CCDC7: variants seen among roughly 807,000 people sequenced by gnomAD.
CCDC7 encodes the protein coiled-coil domain-containing protein 7.
Under a neutral mutation model 196.9 loss-of-function variants are expected in CCDC7, and 183 were observed. The observed-to-expected ratio is 0.93, with a 90% CI of 0.82 to 1.05. The LOEUF is 1.05. Among genes scored for constraint, CCDC7 ranks in the 50% least tolerant of loss-of-function variants. CCDC7 has a pLI of 0.00. For synonymous variants in CCDC7, 525 were observed against 484.6 expected (o/e 1.08, Z -1.10); for missense variants, 1,540 against 1,482.2 (o/e 1.04, Z -0.64).
At chr10:32,629,615 A>G (rs1191433174) in intron 18 of CCDC7, among the ~76,000 whole-genome samples, 1 of 152,120 alleles carries the variant, frequency 6.6e-6, no homozygotes, top group East Asian at 1.9e-4. Flanking sequence ...ACACCCTCCT[A>G]GCAGTGGGGG....
intron 5 of CCDC7, among the ~76,000 whole-genome samples, chr10:32,468,324 A>G (rs926722513): frequency 6.6e-6 from 1 of 151,846 alleles, no homozygotes; most frequent in Non-Finnish European, 1.5e-5. Flanking sequence ...CTGTATTCCT[A>G]GGTATTCTTT....
intron 29 of CCDC7, among the ~76,000 whole-genome samples, chr10:32,792,280 TAAAC>T (rs1043005732): frequency 6.6e-6 from 1 of 152,102 alleles, no homozygotes. Context: ...TGGGTAGAGA[TAAAC>T]AAAAAAATCC....
chr10:32,783,459 T>A lies in CCDC7; in HGVS notation c.3013+4375T>A, dbSNP rs560912353. 1.6e-4 allele frequency among the ~76,000 whole-genome samples: 24 copies of A among 152,256 alleles called. 1 individual carries two copies. In the South Asian group the frequency reaches 5.0e-3, roughly 32 times the overall value. ...TGCAAACCAAAATCACAATAAGATA[T>A]CACTTCATAGCCATTAAGATGACTC... is the stretch of plus-strand genomic sequence containing the variant. On this transcript the variant is annotated intron_variant, in intron 29 of 41. Transcript: ENST00000639629.
intron 21 of CCDC7, among the ~76,000 whole-genome samples, chr10:32,680,774 C>A (rs898524465): frequency 1.3e-5 from 2 of 152,184 alleles, no homozygotes; most frequent in African/African-American, 4.8e-5. Context: ...AAATGTACTT[C>A]TTTCCCATCT....
intron 20 of CCDC7, among the ~76,000 whole-genome samples, chr10:32,651,756 C>A (rs2068805390): frequency 6.6e-6 from 1 of 152,038 alleles, no homozygotes; most frequent in South Asian, 2.1e-4. Context: ...GGGAGGTTTT[C>A]TTGGGGCTGG....
chr10:32,809,037 A>G (rs1385495872), intron 30 of CCDC7, among the ~76,000 whole-genome samples: 1 of 152,154 alleles, frequency 6.6e-6, no homozygotes, highest in African/African-American at 2.4e-5. Flanking sequence ...TTTAATTTGA[A>G]AAGTGCCCTA....
intron 21 of CCDC7, among the ~76,000 whole-genome samples, chr10:32,679,412 G>T (rs1465159776): frequency 2.0e-5 from 3 of 152,122 alleles, no homozygotes; most frequent in Non-Finnish European, 2.9e-5. Flanking sequence ...GCTTGTTGGA[G>T]GACCTCCAGG....
At chr10:32,816,198 A>C (rs140955939) in intron 31 of CCDC7, among the ~76,000 whole-genome samples, 10 of 152,198 alleles carry the variant, frequency 6.6e-5, no homozygotes, top group Admixed American at 3.3e-4. Flanking sequence ...TATCCTGCGC[A>C]TGGCTCGGAG....
intron 15 of CCDC7, among the ~76,000 whole-genome samples, chr10:32,570,591 A>G (rs61299190): frequency 0.086 from 13,063 of 152,210 alleles, 879 homozygotes; most frequent in South Asian, 0.25. Flanking sequence ...ATCCCAGCAT[A>G]TGGAAGGTTT....
At chr10:32,669,148 T>G (rs2073504378) in intron 21 of CCDC7, among the ~76,000 whole-genome samples, 1 of 152,148 alleles carries the variant, frequency 6.6e-6, no homozygotes, top group Non-Finnish European at 1.5e-5. Context: ...CTGCATCTAT[T>G]GAGATTATCA....
intron 18 of CCDC7, among the ~76,000 whole-genome samples, chr10:32,624,742 C>G: frequency 6.6e-6 from 1 of 151,972 alleles, no homozygotes; most frequent in Non-Finnish European, 1.5e-5. Context: ...GAGGACAGCA[C>G]TGGGTGTGTG....
intron 11 of CCDC7, among the ~76,000 whole-genome samples, chr10:32,523,138 A>G (rs751052918): frequency 2.0e-5 from 3 of 152,196 alleles, no homozygotes; most frequent in Non-Finnish European, 4.4e-5. Context: ...GTATTCTGCA[A>G]CCGTTGGATG....
At chr10:32,682,966 T>G (rs2141068497) in intron 21 of CCDC7, among the ~76,000 whole-genome samples, 1 of 152,340 alleles carries the variant, frequency 6.6e-6, no homozygotes, top group South Asian at 2.1e-4. Context: ...CTATTGATAG[T>G]TTCTTTTGCT....
chr10:32,642,651 C>T lies in CCDC7; in HGVS notation c.2014+7493C>T, dbSNP rs184967425. On this transcript the variant is annotated intron_variant, in intron 20 of 41. Transcript: ENST00000639629. ...CTGCTTCAGCTTAGGCTCGGTGCCC[C>T]GCACCCACTGTCCTGCAACCACTGT... Among the ~76,000 whole-genome samples the T allele has an allele frequency of 1.1e-4, 17 of 152,008 alleles. No individual in the cohort carries two copies. The East Asian group carries it at 1.7e-3, about 16-fold the overall frequency.
At chr10:32,851,729 A>G (rs1195401475) in intron 39 of CCDC7, 78 bp from the exon 41 acceptor site, 10 of 1,340,430 alleles carry the variant, frequency 7.5e-6, no homozygotes, top group African/African-American at 7.4e-5. Context: ...TGTTGTGTGC[A>G]TATATACTGT....
At chr10:32,777,232 T>C (rs1042201039) in intron 28 of CCDC7, among the ~76,000 whole-genome samples, 2 of 152,192 alleles carry the variant, frequency 1.3e-5, no homozygotes, top group African/African-American at 2.4e-5. Context: ...TATTGCTGTT[T>C]ATTATTCCGT....
chr10:32,577,964 C>T (rs984733825), intron 16 of CCDC7, among the ~76,000 whole-genome samples: 1 of 152,138 alleles, frequency 6.6e-6, no homozygotes, highest in African/African-American at 2.4e-5. Flanking sequence ...TCATTTCATC[C>T]AAAGATGTAG....
At chr10:32,461,960 C>T (rs887994916) in intron 3 of CCDC7, among the ~76,000 whole-genome samples, 47 of 151,124 alleles carry the variant, frequency 3.1e-4, no homozygotes, top group African/African-American at 1.0e-3. Context: ...TTAGTAGAGA[C>T]GGGGTTTCTC....
At chr10:32,612,115 T>C (rs2062215107) in intron 18 of CCDC7, among the ~76,000 whole-genome samples, 1 of 152,230 alleles carries the variant, frequency 6.6e-6, no homozygotes, top group South Asian at 2.1e-4. Context: ...TTTGCAGTTC[T>C]CCTTGAAGAG....
Sources: allele counts gnomAD v4.1 joint callset (sites outside exome capture counted in the v4.1 genomes callset), GRCh38; gene constraint gnomAD v4.1.1; transcripts MANE v1.5; gene names NCBI Gene and HGNC (gene_info 2026-07-23, HGNC 2026-07-21).